PPP1CC: variants seen among roughly 807,000 people sequenced by gnomAD.
PPP1CC encodes the protein protein phosphatase 1 catalytic subunit gamma, also known as serine/threonine-protein phosphatase PP1-gamma catalytic subunit.
A neutral mutation model predicts 38.4 loss-of-function variants in PPP1CC; 16 were observed. The ratio of observed to expected loss-of-function variants is 0.42; its 90% CI spans 0.28 to 0.63. The LOEUF is 0.63. Among genes scored for constraint, PPP1CC ranks in the 30% least tolerant of loss-of-function variants. The pLI, the probability that PPP1CC is intolerant of heterozygous loss-of-function variation, is 0.25. For missense variants in PPP1CC, 170 were observed against 391.3 expected (o/e 0.43, Z 4.77); for synonymous variants, 158 against 136.0 (o/e 1.16, Z -1.13).
chr12:110,739,053 C>A (rs1236977637), intron 1 of PPP1CC, among the ~76,000 whole-genome samples: 1 of 152,154 alleles, frequency 6.6e-6, no homozygotes, highest in Admixed American at 6.6e-5. Flanking sequence ...GGCACGGTGG[C>A]TCATGCCTGT....
At chr12:110,728,830 A>G (rs966489920) in intron 3 of PPP1CC, among the ~76,000 whole-genome samples, 4 of 152,178 alleles carry the variant, frequency 2.6e-5, no homozygotes, top group African/African-American at 9.7e-5. Flanking sequence ...CAGACCAAGC[A>G]AACATCCAGT....
the PPP1CC span, among the ~76,000 whole-genome samples, chr12:110,711,722 C>T: frequency 2.0e-5 from 3 of 151,754 alleles, no homozygotes; most frequent in South Asian, 2.1e-4. Flanking sequence ...GTTGGGAGTT[C>T]GAGACCAGCC....
chr12:110,722,420 C>T lies in PPP1CC; in HGVS notation c.747+52G>A. The T allele has an allele frequency of 1.3e-6, 2 of 1,588,250 alleles. No homozygotes were observed. Among genetic ancestry groups the T allele is most frequent in the Non-Finnish European group, 1.7e-6 (2 of 1,157,138 alleles). On this transcript the variant is annotated intron_variant, in intron 5 of 6. Coordinates refer to ENST00000335007, the MANE Select transcript of PPP1CC (RefSeq NM_002710.4). The surrounding 1 kb of genome is among the most constrained non-coding windows in gnomAD (Gnocchi z 5.4). ...ACCCACCAAAATCAACAAGGAGAAT[C>T]TGTGCTCACACACATGCTCTTAAGT... is the stretch of plus-strand genomic sequence containing the variant.
At chr12:110,728,929 C>T (rs116503053) in intron 3 of PPP1CC, among the ~76,000 whole-genome samples, 2,623 of 152,238 alleles carry the variant, frequency 0.017, 82 homozygotes, top group African/African-American at 0.059. Context: ...CTCAACATAT[C>T]TATGTGAATT....
intron 3 of PPP1CC, 146 bp from the exon 4 acceptor site, chr12:110,724,910 A>G (rs1379570380): frequency 4.3e-6 from 2 of 469,990 alleles, no homozygotes; most frequent in East Asian, 7.6e-5. Flanking sequence ...TCTTAATAAA[A>G]CCATCTTATT....
At chr12:110,730,239 G>C (rs936164195) in intron 3 of PPP1CC, among the ~76,000 whole-genome samples, 8 of 152,200 alleles carry the variant, frequency 5.3e-5, no homozygotes, top group African/African-American at 1.9e-4. Flanking sequence ...CATGTCTGCA[G>C]TCCTAGCTAC....
the PPP1CC span, among the ~76,000 whole-genome samples, chr12:110,714,013 C>T: frequency 1.3e-5 from 2 of 152,050 alleles, no homozygotes; most frequent in African/African-American, 4.8e-5. Context: ...GTGGGAGAAT[C>T]GTTTGAACTT....
chr12:110,717,295 T>A (rs907648209), downstream of PPP1CC, among the ~76,000 whole-genome samples: 3 of 152,190 alleles, frequency 2.0e-5, no homozygotes, highest in African/African-American at 7.2e-5. Context: ...GACTGAAAGT[T>A]CTTACTCATC....
intron 1 of PPP1CC, among the ~76,000 whole-genome samples, chr12:110,735,404 C>A (rs149021293): frequency 7.0e-4 from 107 of 152,318 alleles, no homozygotes; most frequent in African/African-American, 2.4e-3. Context: ...GGTCACAGAG[C>A]TTAAGGACAC....
chr12:110,713,333 G>A, the PPP1CC span, among the ~76,000 whole-genome samples: 19 of 151,980 alleles, frequency 1.3e-4, no homozygotes, highest in Non-Finnish European at 1.9e-4. Flanking sequence ...GAGTTTCACC[G>A]TGTTGCTCAG....
chr12:110,722,840 G>C lies in PPP1CC; in HGVS notation c.524-145C>G, dbSNP rs2069755179. 2 of 707,566 alleles carry C rather than the reference G, an allele frequency of 2.8e-6. No homozygotes were observed. The highest frequency in any genetic ancestry group is 5.5e-5 in the East Asian group (2 of 36,332). The allele number at this position is 707,566 out of a possible 1,614,324, so 43.8% of individuals were successfully genotyped here. ...TATGATTATATTTTATTTACTTTTG[G>C]TTAAAAGAAAAAAACACAGAAAAAG... On this transcript the variant is annotated intron_variant, in intron 4 of 6. Coordinates refer to ENST00000335007, the MANE Select transcript of PPP1CC (RefSeq NM_002710.4). This position sits in a 1 kb window ranked among gnomAD's most constrained non-coding sequence, Gnocchi z 5.4.
chr12:110,735,281 G>A (rs899443624), intron 1 of PPP1CC, among the ~76,000 whole-genome samples: 6 of 151,890 alleles, frequency 4.0e-5, no homozygotes, highest in Non-Finnish European at 8.8e-5. Context: ...AACATTTACT[G>A]AGCACTTATC....
chr12:110,717,964 G>C (rs757532023), downstream of PPP1CC, among the ~76,000 whole-genome samples: 1 of 152,144 alleles, frequency 6.6e-6, no homozygotes, highest in Non-Finnish European at 1.5e-5. Flanking sequence ...TTGGTAGCTT[G>C]TATCTTCACT....
intron 1 of PPP1CC, chr12:110,734,688 A>T (rs2069921276): frequency 6.5e-6 from 1 of 153,670 alleles, no homozygotes; most frequent in East Asian, 1.9e-4. Flanking sequence ...TGCACTATAA[A>T]ATTATAAAAC....
chr12:110,735,996 C>T (rs890392380), intron 1 of PPP1CC, among the ~76,000 whole-genome samples: 1 of 151,786 alleles, frequency 6.6e-6, no homozygotes, highest in Non-Finnish European at 1.5e-5. Flanking sequence ...ACCCACGGGG[C>T]AGGTTGCAGT....
At chr12:110,717,839 C>T (rs562287421), downstream of PPP1CC, among the ~76,000 whole-genome samples, 9 of 152,306 alleles carry the variant, frequency 5.9e-5, no homozygotes, top group South Asian at 1.9e-3. Context: ...TGGCCCTTGT[C>T]TCCGTGTCTC....
intron 3 of PPP1CC, among the ~76,000 whole-genome samples, chr12:110,730,264 CAGG>C (rs1441972123): frequency 6.6e-6 from 1 of 152,164 alleles, no homozygotes; most frequent in Non-Finnish European, 1.5e-5. Context: ...GAGGCTGAGG[CAGG>C]AGGATTGCTT....
At chr12:110,724,801 G>A (rs1051376917) in intron 3 of PPP1CC, 37 bp from the exon 4 acceptor site, 10 of 1,278,554 alleles carry the variant, frequency 7.8e-6, no homozygotes, top group Non-Finnish European at 1.1e-5. Flanking sequence ...TAAAAAGAGA[G>A]TATTACTGTT....
At chr12:110,731,617 A>T (rs1252598831) in intron 2 of PPP1CC, among the ~76,000 whole-genome samples, 153 bp downstream of exon 2, 1 of 152,180 alleles carries the variant, frequency 6.6e-6, no homozygotes. Flanking sequence ...AGAGGTATTT[A>T]TTCTAAAGCT....
Sources: allele counts gnomAD v4.1 joint callset (sites outside exome capture counted in the v4.1 genomes callset), GRCh38; gene constraint gnomAD v4.1.1; non-coding constraint Gnocchi (gnomAD v3.1); transcripts MANE v1.5; gene names NCBI Gene and HGNC (gene_info 2026-07-23, HGNC 2026-07-21).